VAV2: variants seen among roughly 807,000 people sequenced by gnomAD.
VAV2 encodes the protein vav guanine nucleotide exchange factor 2.
VAV2 carries 67 observed loss-of-function variants against 132.5 expected under a neutral mutation model. That is an observed-to-expected ratio of 0.51 (90% CI 0.42 to 0.62). The LOEUF (loss-of-function observed/expected upper bound fraction) is 0.62. Ranked by LOEUF, VAV2 falls within the 20% of genes least tolerant of loss-of-function variation. The probability of loss-of-function intolerance (pLI) is 0.00; values close to 1 mark genes in which losing one functional copy is unlikely to be tolerated. For synonymous variants in VAV2, 492 were observed against 443.5 expected, an observed-to-expected ratio of 1.11 and a Z score of -1.37; for missense variants, 938 against 1,153.6, an observed-to-expected ratio of 0.81 and a Z score of 2.71.
At chr9:133,780,323 G>A (rs536698909) in intron 20 of VAV2, among the ~76,000 whole-genome samples, 1 of 152,162 alleles carries the variant, frequency 6.6e-6, no homozygotes, top group African/African-American at 2.4e-5. Flanking sequence ...CCCATAGCTC[G>A]AGGGGCACAC....
rs1268880253 is a variant in VAV2 at position 133,807,278 on chromosome 9, C to G, written c.715G>C (p.Ala239Pro). The change falls in exon 8 of 30, where the codon GCT becomes CCT. Residue 239 changes from alanine (A) to proline (P), a missense_variant. Coordinates refer to ENST00000371850, the MANE Select transcript of VAV2 (RefSeq NM_001134398.2). ...CTTACCTCCAGGTTAATGAAGACAG[C>G]TGCCATGTCCGCCGGGCTCAGCACC... Reference protein sequence around the residue: ...RLVLSPADMAAVFINLEDLIK... With the variant: ...RLVLSPADMAPVFINLEDLIK... The G allele has an allele frequency of 6.2e-7, 1 of 1,611,086 alleles. No individual in the cohort carries two copies. The highest frequency in any genetic ancestry group is 8.5e-7 in the Non-Finnish European group (1 of 1,179,324).
intron 9 of VAV2, among the ~76,000 whole-genome samples, chr9:133,800,475 C>T (rs751800226): frequency 1.7e-4 from 26 of 152,202 alleles, no homozygotes; most frequent in Non-Finnish European, 3.1e-4. Context: ...GCTGGGGCCA[C>T]GCTCGGGCCC....
At chr9:133,801,256 TGAAGA>T in intron 9 of VAV2, among the ~76,000 whole-genome samples, 1 of 152,304 alleles carries the variant, frequency 6.6e-6, no homozygotes, top group South Asian at 2.1e-4. Flanking sequence ...CAGACCTCCA[TGAAGA>T]GCCTGAAAGG....
intron 2 of VAV2, among the ~76,000 whole-genome samples, chr9:133,866,938 A>C (rs546049720): frequency 2.0e-5 from 3 of 152,054 alleles, no homozygotes; most frequent in African/African-American, 7.2e-5. Flanking sequence ...TCCGGGCCGC[A>C]CAAGTTCAGG....
intron 3 of VAV2, among the ~76,000 whole-genome samples, chr9:133,856,806 G>A (rs779585875): frequency 5.9e-5 from 9 of 152,156 alleles, no homozygotes; most frequent in South Asian, 2.1e-4. Context: ...TAACTCTGCC[G>A]TCACATCTCC....
At chr9:133,886,411 C>T (rs1409312576) in intron 2 of VAV2, among the ~76,000 whole-genome samples, 2 of 152,198 alleles carry the variant, frequency 1.3e-5, no homozygotes, top group Non-Finnish European at 2.9e-5. Flanking sequence ...CTGAAGGTCA[C>T]CCAGCTTGAA....
At chr9:133,901,982 T>C (rs1428919125) in intron 2 of VAV2, among the ~76,000 whole-genome samples, 1 of 152,146 alleles carries the variant, frequency 6.6e-6, no homozygotes, top group African/African-American at 2.4e-5. Flanking sequence ...CCTGCCTTAG[T>C]GGTCTGCACG....
chr9:133,783,495 G>GT lies in VAV2; in HGVS notation c.1723+7dup. The GT allele has an allele frequency of 2.5e-6, 4 of 1,604,322 alleles. No homozygotes were observed. The highest frequency in any genetic ancestry group is 3.4e-6 in the Non-Finnish European group (4 of 1,173,640). On this transcript the variant is annotated splice_region_variant and intron_variant, in intron 19 of 29. Coordinates refer to ENST00000371850, the MANE Select transcript of VAV2 (RefSeq NM_001134398.2). The stretch of plus-strand genomic sequence containing the variant: ...GGACTGGGGTGGGGGGGTGAGGGGG[G>GT]TACTCACTGAACTTGCAGGGAGGTA...
chr9:133,833,508 C>T lies in VAV2; in HGVS notation c.449+764G>A, dbSNP rs907400531. Among the ~76,000 whole-genome samples the T allele has an allele frequency of 6.6e-6, 1 of 152,190 alleles. No homozygotes were observed. The highest frequency in any genetic ancestry group is 2.4e-5 in the African/African-American group (1 of 41,452). On this transcript the variant is annotated intron_variant, in intron 4 of 29. Coordinates refer to ENST00000371850, the MANE Select transcript of VAV2 (RefSeq NM_001134398.2). This position sits in a 1 kb window ranked among gnomAD's most constrained non-coding sequence, Gnocchi z 5.6. ...GCAAGGATGCCCGAAGGCACCATCT[C>T]CCGGTGGCCTGGGAGGGTGGTGGAT...
At chr9:133,783,157 GA>G (rs1243046909) in intron 19 of VAV2, among the ~76,000 whole-genome samples, 1 of 152,220 alleles carries the variant, frequency 6.6e-6, no homozygotes, top group East Asian at 1.9e-4. Flanking sequence ...TCTGTGATGA[GA>G]AACCTCCATG....
In VAV2 at chr9:133,810,181, G is replaced by C; in HGVS notation, c.567+10C>G. ...AGGACGTCCCCAGCCTCCCCTTCCGGGCCACTCACCTGCATGTATCTAATC... is the reference window on the plus strand; with the variant it reads ...AGGACGTCCCCAGCCTCCCCTTCCGCGCCACTCACCTGCATGTATCTAATC... On this transcript the variant is annotated intron_variant, in intron 6 of 29. Coordinates refer to ENST00000371850, the MANE Select transcript of VAV2 (RefSeq NM_001134398.2). 4 of 1,613,268 alleles carry C rather than the reference G, an allele frequency of 2.5e-6. No homozygotes were observed. Among genetic ancestry groups the C allele is most frequent in the Non-Finnish European group, 3.4e-6 (4 of 1,179,832 alleles).
chr9:133,771,062 C>CT (rs148597917), intron 26 of VAV2, among the ~76,000 whole-genome samples: 66,033 of 117,696 alleles, frequency 0.56, 19,665 homozygotes, highest in East Asian at 0.65. Flanking sequence ...TATGGATTTT[C>CT]TTTTTTTTTT....
intron 9 of VAV2, among the ~76,000 whole-genome samples, chr9:133,798,412 G>A (rs572024534): frequency 4.1e-4 from 62 of 152,270 alleles, no homozygotes; most frequent in African/African-American, 1.1e-3. Flanking sequence ...GCCAGCCCTC[G>A]TGTCCTGCCC....
At chr9:133,812,358 G>A (rs1835392956) in intron 4 of VAV2, 142 bp from the exon 5 acceptor site, 2 of 741,696 alleles carry the variant, frequency 2.7e-6, no homozygotes, top group Admixed American at 2.2e-5. Context: ...TCTACAAAGT[G>A]GGGTGGGCCC....
chr9:133,819,227 G>A (rs1007262812), intron 4 of VAV2, among the ~76,000 whole-genome samples: 5 of 152,032 alleles, frequency 3.3e-5, no homozygotes, highest in Non-Finnish European at 5.9e-5. Context: ...GGCGGATCAC[G>A]AGGTCAGGAG....
intron 1 of VAV2, among the ~76,000 whole-genome samples, chr9:133,974,789 A>AGCACTGCACCG (rs1477443423): frequency 5.3e-5 from 1 of 18,886 alleles, no homozygotes; most frequent in Non-Finnish European, 1.3e-4. Flanking sequence ...GCACTGCACC[A>AGCACTGCACCG]TGGACAGACA....
chr9:133,960,424 C>T (rs1241576804), intron 1 of VAV2, among the ~76,000 whole-genome samples: 1 of 152,222 alleles, frequency 6.6e-6, no homozygotes, highest in Non-Finnish European at 1.5e-5. Context: ...ACTGGAGCCT[C>T]ACTCCCTGCA....
At chr9:133,972,131 A>C (rs1292543617) in intron 1 of VAV2, among the ~76,000 whole-genome samples, 1 of 152,190 alleles carries the variant, frequency 6.6e-6, no homozygotes, top group Non-Finnish European at 1.5e-5. Context: ...CCAAGAATTC[A>C]TGCTGCCAAG....
In VAV2 at chr9:133,975,867, C is replaced by T. The variant is rs116378808; in HGVS notation, c.204+16208G>A. Among the ~76,000 whole-genome samples, 1,091 of 152,190 alleles carry T rather than the reference C, an allele frequency of 7.2e-3. 13 individuals are homozygous for T. Among genetic ancestry groups the T allele is most frequent in the African/African-American group, 0.025 (1,036 of 41,518 alleles). On this transcript the variant is annotated intron_variant, in intron 1 of 29. Coordinates refer to ENST00000371850, the MANE Select transcript of VAV2 (RefSeq NM_001134398.2). ...AGGAAGGCAGACGGGTCTCCTCCAA[C>T]CCTCCCACACTTCTTCTCTTGTCAG...
Sources: gnomAD v4.1 joint callset for allele counts (sites outside exome capture counted in the v4.1 genomes callset) on GRCh38, gnomAD v4.1.1 for gene constraint, Gnocchi (gnomAD v3.1) non-coding constraint, MANE v1.5 for transcripts, NCBI Gene and HGNC (gene_info 2026-07-23, HGNC 2026-07-21) for gene names.